SYT14: variants seen among roughly 807,000 people sequenced by gnomAD.
SYT14 encodes the protein synaptotagmin-14.
SYT14 carries 32 observed loss-of-function variants against 74.2 expected under a neutral mutation model. The observed-to-expected ratio is 0.43, with a 90% CI of 0.33 to 0.58. The LOEUF is 0.58. Among genes scored for constraint, SYT14 ranks in the 20% least tolerant of loss-of-function variants. The pLI, the probability that SYT14 is intolerant of heterozygous loss-of-function variation, is 0.05. For missense variants in SYT14, 791 were observed against 981.8 expected (o/e 0.81, Z 2.60); for synonymous variants, 298 against 337.7 (o/e 0.88, Z 1.29).
chr1:210,000,096 A>G (rs950793352), intron 2 of SYT14, among the ~76,000 whole-genome samples: 1 of 152,194 alleles, frequency 6.6e-6, no homozygotes, highest in Non-Finnish European at 1.5e-5. Flanking sequence ...GATATTTGCA[A>G]ATGTATACAA....
At chr1:210,160,512 T>C (rs1401501593) in intron 9 of SYT14, among the ~76,000 whole-genome samples, 2 of 152,134 alleles carry the variant, frequency 1.3e-5, no homozygotes, top group East Asian at 1.9e-4. Flanking sequence ...GGTTAAGATA[T>C]TATTACTACC....
chr1:210,060,456 A>G (rs1369297893), intron 5 of SYT14, among the ~76,000 whole-genome samples: 1 of 152,112 alleles, frequency 6.6e-6, no homozygotes, highest in East Asian at 1.9e-4. Context: ...CTACTTTTCT[A>G]AAATTTATCA....
chr1:209,940,431 A>G (rs1238734765), intron 1 of SYT14, among the ~76,000 whole-genome samples: 3 of 152,026 alleles, frequency 2.0e-5, no homozygotes, highest in Non-Finnish European at 4.4e-5. Context: ...GGCCAAAAAG[A>G]TAAGTAAGAC....
At chr1:210,060,952 C>G (rs964391889) in intron 5 of SYT14, among the ~76,000 whole-genome samples, 3 of 152,046 alleles carry the variant, frequency 2.0e-5, no homozygotes, top group African/African-American at 7.2e-5. Context: ...TTTGATTTAT[C>G]TACTCTGTCA....
exon 10 of SYT14, chr1:210,164,682 G>A (rs1216008515): frequency 6.6e-6 from 1 of 152,044 alleles, no homozygotes; most frequent in African/African-American, 2.4e-5. Flanking sequence ...TGAATAGAAA[G>A]GACACAAATT....
chr1:210,060,885 C>G (rs2081195996), intron 5 of SYT14, among the ~76,000 whole-genome samples: 1 of 151,974 alleles, frequency 6.6e-6, no homozygotes, highest in African/African-American at 2.4e-5. Flanking sequence ...TAGATTTGAT[C>G]AACAGCGTTA....
chr1:210,006,884 A>G lies in SYT14; in HGVS notation c.-485-6749A>G, dbSNP rs564506325. 3.9e-5 allele frequency among the ~76,000 whole-genome samples: 6 copies of G among 151,996 alleles called. No individual in the cohort carries two copies. The South Asian group carries it at 1.0e-3, about 26-fold the overall frequency. On this transcript the variant is annotated intron_variant, in intron 2 of 9. Coordinates refer to ENST00000637265, the Ensembl canonical transcript of SYT14. ...TAGATAAATATCCCCCATATATTTA[A>G]TTATTTTCATGTATATCCTAGCATT...
chr1:209,943,148 G>T (rs1321205417), intron 1 of SYT14, among the ~76,000 whole-genome samples: 1 of 152,106 alleles, frequency 6.6e-6, no homozygotes, highest in East Asian at 1.9e-4. Flanking sequence ...TTTATTCAAG[G>T]TTACTTTTCT....
intron 7 of SYT14, among the ~76,000 whole-genome samples, chr1:210,115,750 G>T (rs1342491149): frequency 6.6e-6 from 1 of 151,212 alleles, no homozygotes; most frequent in South Asian, 2.1e-4. Context: ...CTGAGGACCC[G>T]AGGTCGTAGG....
Position 210,122,180 on chromosome 1 carries a change from G to A in SYT14, c.2034+21719G>A, listed in dbSNP as rs929481601. On this transcript the variant is annotated intron_variant, in intron 7 of 9. Coordinates refer to ENST00000637265, the Ensembl canonical transcript of SYT14. ...TTTTTAGTAGAGACGGGGTTTCACC[G>A]TTTTAGCCGGGATGGTCTCGATCTC... is the stretch of plus-strand genomic sequence containing the variant. Among the ~76,000 whole-genome samples the A allele has an allele frequency of 6.8e-5, 2 of 29,482 alleles. 1 individual carries two copies. The highest frequency in any genetic ancestry group is 1.1e-4 in the Non-Finnish European group (2 of 17,466). 19.3% of individuals were successfully genotyped at this position (29,482 alleles called of 152,430 possible).
intron 5 of SYT14, among the ~76,000 whole-genome samples, chr1:210,032,970 C>A (rs2080575303): frequency 6.6e-6 from 1 of 151,590 alleles, no homozygotes; most frequent in Non-Finnish European, 1.5e-5. Flanking sequence ...TAATACGGGA[C>A]AGGATCATTC....
chr1:210,007,003 G>A (rs548440323), intron 2 of SYT14, among the ~76,000 whole-genome samples: 31 of 151,800 alleles, frequency 2.0e-4, no homozygotes, highest in African/African-American at 5.8e-4. Flanking sequence ...TTTCAAAGTC[G>A]AAATGTATTT....
chr1:209,984,688 AC>A (rs2079542451), intron 2 of SYT14, among the ~76,000 whole-genome samples: 2 of 152,148 alleles, frequency 1.3e-5, no homozygotes, highest in Non-Finnish European at 2.9e-5. Context: ...TGCTATAAAT[AC>A]CTGAGACTGG....
At chr1:209,955,135 T>C (rs1276292546) in intron 2 of SYT14, among the ~76,000 whole-genome samples, 6 of 152,230 alleles carry the variant, frequency 3.9e-5, no homozygotes, top group Non-Finnish European at 4.4e-5. Context: ...TTTCCATCTT[T>C]TACTCTGTTT....
intron 1 of SYT14, among the ~76,000 whole-genome samples, chr1:209,946,948 A>T (rs765911140): frequency 6.6e-6 from 1 of 152,212 alleles, no homozygotes; most frequent in Admixed American, 6.5e-5. Context: ...AGGATGCTAA[A>T]TGTGCTCTGT....
chr1:210,144,921 G>C (rs370173046), intron 7 of SYT14, among the ~76,000 whole-genome samples: 1 of 151,730 alleles, frequency 6.6e-6, no homozygotes, highest in African/African-American at 2.4e-5. Context: ...TCTGGGATAC[G>C]GAGTCTTTAG....
chr1:209,985,516 G>A (rs1410820355), intron 2 of SYT14, among the ~76,000 whole-genome samples: 1 of 152,202 alleles, frequency 6.6e-6, no homozygotes, highest in African/African-American at 2.4e-5. Context: ...GAGTGCTTGT[G>A]GCTTTTCCAG....
At chr1:210,031,413 G>T (rs769485914) in intron 5 of SYT14, among the ~76,000 whole-genome samples, 1 of 151,950 alleles carries the variant, frequency 6.6e-6, no homozygotes, top group Non-Finnish European at 1.5e-5. Context: ...TTGGTATTAG[G>T]GTGATGCTGG....
intron 7 of SYT14, among the ~76,000 whole-genome samples, chr1:210,130,327 T>TTTAAA (rs1434721359): frequency 6.6e-6 from 1 of 152,210 alleles, no homozygotes; most frequent in Non-Finnish European, 1.5e-5. Context: ...ACAAAAAACA[T>TTTAAA]TTTAAGATGG....
Sources: gnomAD v4.1 joint callset for allele counts (sites outside exome capture counted in the v4.1 genomes callset) on GRCh38, gnomAD v4.1.1 for gene constraint, MANE v1.5 for transcripts, NCBI Gene and HGNC (gene_info 2026-07-23, HGNC 2026-07-21) for gene names.